The following TPGS2 variants were observed in gnomAD, a reference collection of about 807,000 sequenced individuals.
TPGS2 encodes the protein tubulin polyglutamylase complex subunit 2.
TPGS2 carries 26 observed loss-of-function variants against 31.1 expected under a neutral mutation model. The observed-to-expected ratio is 0.84, with a 90% CI of 0.61 to 1.16. TPGS2 has a LOEUF of 1.16. TPGS2 is among the 50% of genes most tolerant of loss of function. The pLI, the probability that TPGS2 is intolerant of heterozygous loss-of-function variation, is 0.00. For synonymous variants in TPGS2, 130 were observed against 136.6 expected (o/e 0.95, Z 0.34); for missense variants, 351 against 363.8 (o/e 0.96, Z 0.29).
Position 36,805,468 on chromosome 18 carries a change from G to C in TPGS2, c.288C>G (p.Asn96Lys), listed in dbSNP as rs1568012150. ...HIIPLGSMAI[N>K]SISKLTQLTQ... ...TGAGCTGAGTCAGTTTTGAGATGCT[G>C]TTAATTGCCATGCTTCCCAGTGGAA... The change falls in exon 4 of 7, where the codon AAC becomes AAG. Residue 96 changes from asparagine (N) to lysine (K), a missense_variant. Coordinates refer to ENST00000334295, the MANE Select transcript of TPGS2 (RefSeq NM_015476.4). The C allele has an allele frequency of 1.2e-6, 2 of 1,614,090 alleles. No individual in the cohort carries two copies. The highest frequency in any genetic ancestry group is 1.7e-6 in the Non-Finnish European group (2 of 1,179,980).
chr18:36,822,508 T>G (rs190303703), intron 1 of TPGS2, among the ~76,000 whole-genome samples: 2 of 152,340 alleles, frequency 1.3e-5, no homozygotes, highest in African/African-American at 4.8e-5. Flanking sequence ...ACATTTGATT[T>G]AGTTTGATTT....
downstream of TPGS2, among the ~76,000 whole-genome samples, chr18:36,781,477 C>T (rs887683100): frequency 1.3e-5 from 2 of 152,124 alleles, no homozygotes; most frequent in Non-Finnish European, 2.9e-5. Context: ...CATGGTGAAA[C>T]CCTGTCTCTA....
At position 36,795,689 on chromosome 18, in the gene TPGS2, C is replaced by G; in HGVS notation, c.*1116G>C. 1 of 985,446 alleles carries G rather than the reference C, an allele frequency of 1.0e-6. No homozygotes were observed. The highest frequency in any genetic ancestry group is 1.2e-6 in the Non-Finnish European group (1 of 829,938). 61.0% of individuals were successfully genotyped at this position (985,446 alleles called of 1,614,324 possible). On this transcript the variant is annotated 3_prime_UTR_variant, in exon 7 of 7. Coordinates refer to ENST00000334295, the MANE Select transcript of TPGS2 (RefSeq NM_015476.4). ...AAGCATATGTGGGCTAGAGGTTCCCCCATATGTCAATGGGAAAATGATTTC... is the reference window on the plus strand; with the variant it reads ...AAGCATATGTGGGCTAGAGGTTCCCGCATATGTCAATGGGAAAATGATTTC...
At chr18:36,813,831 G>A (rs1482317936) in intron 2 of TPGS2, among the ~76,000 whole-genome samples, 1 of 152,224 alleles carries the variant, frequency 6.6e-6, no homozygotes, top group Non-Finnish European at 1.5e-5. Flanking sequence ...CTAGAGAGAA[G>A]GGTTGACTGG....
downstream of TPGS2, among the ~76,000 whole-genome samples, chr18:36,790,755 A>C (rs894289748): frequency 1.3e-5 from 2 of 152,202 alleles, no homozygotes; most frequent in African/African-American, 4.8e-5. Flanking sequence ...CAGCATTTTT[A>C]CTTTTTTCTC....
intron 2 of TPGS2, among the ~76,000 whole-genome samples, chr18:36,814,146 C>T (rs538414042): frequency 9.2e-5 from 14 of 152,284 alleles, no homozygotes; most frequent in East Asian, 1.9e-4. Context: ...ATTGTAAAGC[C>T]GTCTGCAACT....
chr18:36,814,788 G>A (rs565932192), intron 2 of TPGS2, among the ~76,000 whole-genome samples: 40 of 152,282 alleles, frequency 2.6e-4, no homozygotes, highest in African/African-American at 9.1e-4. Flanking sequence ...TGATTTCTGA[G>A]GCATATTCTT....
chr18:36,785,900 A>G (rs1441682471), intron 6 of TPGS2, among the ~76,000 whole-genome samples: 2 of 152,218 alleles, frequency 1.3e-5, no homozygotes, highest in African/African-American at 4.8e-5. Flanking sequence ...GGAGGGTAGA[A>G]CAGGGATTTA....
At chr18:36,787,218 A>T in intron 6 of TPGS2, 1 of 979,210 alleles carries the variant, frequency 1.0e-6, no homozygotes, top group Admixed American at 4.3e-5. Flanking sequence ...CTGTGTCAGC[A>T]GCAGTTTTCC....
At chr18:36,798,028 T>A in intron 6 of TPGS2, 1 of 386,424 alleles carries the variant, frequency 2.6e-6, no homozygotes. Context: ...TGTGCATGCA[T>A]GCTTTATGTG....
At chr18:36,810,497 T>G (rs1422324525) in intron 2 of TPGS2, among the ~76,000 whole-genome samples, 1 of 151,992 alleles carries the variant, frequency 6.6e-6, no homozygotes, top group Admixed American at 6.6e-5. Context: ...AGGCTATATT[T>G]TGGGGGGTGT....
At chr18:36,808,545 G>A (rs2045274388) in intron 2 of TPGS2, among the ~76,000 whole-genome samples, 1 of 152,076 alleles carries the variant, frequency 6.6e-6, no homozygotes, top group Non-Finnish European at 1.5e-5. Context: ...GGCTGAGGCA[G>A]GAGAATGGCA....
chr18:36,825,113 G>A (rs1228541586), intron 1 of TPGS2, among the ~76,000 whole-genome samples: 1 of 152,058 alleles, frequency 6.6e-6, no homozygotes, highest in Non-Finnish European at 1.5e-5. Flanking sequence ...TTTTCCCATT[G>A]AGAAGTCTTA....
downstream of TPGS2, among the ~76,000 whole-genome samples, chr18:36,781,642 C>T (rs1359809299): frequency 6.6e-6 from 1 of 151,794 alleles, no homozygotes; most frequent in Non-Finnish European, 1.5e-5. Context: ...ACTCTGTCTC[C>T]AAAAAAATAA....
In TPGS2 at chr18:36,795,470, A is replaced by G; in HGVS notation, c.*1335T>C. On this transcript the variant is annotated 3_prime_UTR_variant, in exon 7 of 7. Coordinates refer to ENST00000334295, the MANE Select transcript of TPGS2 (RefSeq NM_015476.4). ...CAGTACAAAAACTGCAGCCACCCAAAGAACTTGGGGCTAGGTGGGTGACTC... is the reference window on the plus strand; with the variant it reads ...CAGTACAAAAACTGCAGCCACCCAAGGAACTTGGGGCTAGGTGGGTGACTC... The G allele has an allele frequency of 1.0e-6, 1 of 985,424 alleles. No individual in the cohort carries two copies. Among genetic ancestry groups the G allele is most frequent in the Non-Finnish European group, 1.2e-6 (1 of 829,952 alleles). The allele number at this position is 985,424 out of a possible 1,614,324, so 61.0% of individuals were successfully genotyped here. A position where few individuals can be genotyped will look rare whatever the true frequency, so the allele number is the denominator to read the frequency against.
downstream of TPGS2, chr18:36,780,223 G>C: frequency 2.4e-6 from 3 of 1,228,148 alleles, no homozygotes; most frequent in Non-Finnish European, 3.0e-6. Flanking sequence ...AACATCAACA[G>C]TGTGCTCTTT....
downstream of TPGS2, chr18:36,780,241 C>CT: frequency 4.2e-6 from 5 of 1,198,996 alleles, no homozygotes; most frequent in Non-Finnish European, 4.2e-6. Context: ...TTTGAAACTC[C>CT]TTTTATAATT....
chr18:36,798,423 T>G, intron 6 of TPGS2, 26 bp downstream of exon 6: 1 of 1,614,008 alleles, frequency 6.2e-7, no homozygotes, highest in Non-Finnish European at 8.5e-7. Context: ...TACCATAGTT[T>G]ACAATGGCAG....
At chr18:36,807,105 T>C (rs549111241) in intron 3 of TPGS2, among the ~76,000 whole-genome samples, 1 of 139,558 alleles carries the variant, frequency 7.2e-6, no homozygotes, top group African/African-American at 2.5e-5. Flanking sequence ...AATAATGGAC[T>C]GGAGGGGAGG....
Sources: allele counts gnomAD v4.1 joint callset (sites outside exome capture counted in the v4.1 genomes callset), GRCh38; gene constraint gnomAD v4.1.1; transcripts MANE v1.5; gene names NCBI Gene and HGNC (gene_info 2026-07-23, HGNC 2026-07-21).